DCDC2C: variants seen among roughly 807,000 people sequenced by gnomAD.
DCDC2C encodes the protein doublecortin domain-containing protein 2C.
In DCDC2C, 44 loss-of-function variants were observed where a neutral mutation model predicts 45.0. That is an observed-to-expected ratio of 0.98 (90% CI 0.77 to 1.26). The LOEUF (loss-of-function observed/expected upper bound fraction) is 1.26. DCDC2C is among the 50% of genes most tolerant of loss of function. DCDC2C has a pLI of 0.00. For synonymous variants in DCDC2C, 187 were observed against 178.8 expected (o/e 1.05, Z -0.37); for missense variants, 447 against 468.9 (o/e 0.95, Z 0.43).
chr2:3,752,783 A>G lies in DCDC2C; in HGVS notation c.566A>G (p.His189Arg), dbSNP rs776283118. 3 of 1,550,316 alleles carry G rather than the reference A, an allele frequency of 1.9e-6. No individual in the cohort carries two copies. In the South Asian group the frequency reaches 3.6e-5, roughly 18 times the overall value. ...TACAGATTATTTACAATGAATGGGC[A>G]TCTTTTGGGCGACTCAAAGGATTTG... ...GVRKLFTMNG[H>R]LLGDSKDLQD... Residue 189 changes from histidine to arginine, a missense_variant, in exon 5 of 11, where the codon CAT becomes CGT. Transcript: ENST00000399143.
intron 3 of DCDC2C, among the ~76,000 whole-genome samples, chr2:3,732,745 G>C (rs556158785): frequency 5.9e-5 from 9 of 152,258 alleles, no homozygotes; most frequent in African/African-American, 1.9e-4. Flanking sequence ...GGGCATTCTC[G>C]TGGTCTTCCT....
chr2:3,835,964 G>T (rs557396295), intron 10 of DCDC2C, among the ~76,000 whole-genome samples: 1 of 152,014 alleles, frequency 6.6e-6, no homozygotes, highest in Admixed American at 6.6e-5. Context: ...GGCTGATCTC[G>T]AACTCCTGGC....
At chr2:3,752,221 C>G (rs1393799440) in intron 4 of DCDC2C, among the ~76,000 whole-genome samples, 2 of 152,180 alleles carry the variant, frequency 1.3e-5, no homozygotes, top group African/African-American at 2.4e-5. Flanking sequence ...TTATTTTTAT[C>G]TAATGCATTG....
chr2:3,767,142 C>T (rs376476560), intron 6 of DCDC2C, among the ~76,000 whole-genome samples: 15 of 152,370 alleles, frequency 9.8e-5, no homozygotes, highest in South Asian at 4.1e-4. Flanking sequence ...CTTTCACCTT[C>T]GGACATGTTC....
intron 10 of DCDC2C, among the ~76,000 whole-genome samples, chr2:3,824,551 G>C (rs1572643454): frequency 6.6e-6 from 1 of 152,204 alleles, no homozygotes; most frequent in South Asian, 2.1e-4. Context: ...AATCAGCCTA[G>C]AGAGGAGTTT....
chr2:3,719,092 T>A (rs11678437), intron 2 of DCDC2C, among the ~76,000 whole-genome samples: 77,241 of 147,192 alleles, frequency 0.52, 20,094 homozygotes, highest in African/African-American at 0.64. Flanking sequence ...AGCTGTTTCC[T>A]TTTTTTTTTT....
At chr2:3,754,736 GAGCATCAGTGCCAGGGCCTGGGCC>G in intron 6 of DCDC2C, 102 bp downstream of exon 6, 2 of 985,398 alleles carry the variant, frequency 2.0e-6, no homozygotes, top group Non-Finnish European at 1.5e-6. Flanking sequence ...GCTGTAAACA[GAGCATCAGTGCCAGGGCCTGGGCC>G]AGCATCAGTG....
Position 3,734,784 on chromosome 2 carries a change from A to G in DCDC2C, c.417-7136A>G, listed in dbSNP as rs1668972833. ...TGTTTTGGGGAGAAGACTCCAAGACATGATCCTCTCCTTCATGCACAAGGA... is the reference window on the plus strand; with the variant it reads ...TGTTTTGGGGAGAAGACTCCAAGACGTGATCCTCTCCTTCATGCACAAGGA... On this transcript the variant is annotated intron_variant, in intron 3 of 10. Coordinates refer to ENST00000399143, the MANE Select transcript of DCDC2C (RefSeq NM_001287444.2). The surrounding 1 kb of genome is among the most constrained non-coding windows in gnomAD (Gnocchi z 4.2). 6.6e-6 allele frequency among the ~76,000 whole-genome samples: 1 copy of G among 152,212 alleles called. No individual in the cohort carries two copies. Among genetic ancestry groups the G allele is most frequent in the African/African-American group, 2.4e-5 (1 of 41,436 alleles).
chr2:3,704,947 C>T (rs1350486497), intron 1 of DCDC2C, among the ~76,000 whole-genome samples: 2 of 152,146 alleles, frequency 1.3e-5, no homozygotes, highest in Non-Finnish European at 2.9e-5. Flanking sequence ...CTTTTCTCTC[C>T]TGATTCTCTG....
intron 6 of DCDC2C, among the ~76,000 whole-genome samples, chr2:3,764,516 C>A (rs1188568250): frequency 1.3e-5 from 2 of 152,202 alleles, no homozygotes; most frequent in Non-Finnish European, 2.9e-5. Flanking sequence ...GTATGTCCTG[C>A]AGATGGCATT....
intron 8 of DCDC2C, among the ~76,000 whole-genome samples, chr2:3,773,766 A>G (rs1670250646): frequency 6.6e-6 from 1 of 152,224 alleles, no homozygotes; most frequent in Non-Finnish European, 1.5e-5. Context: ...TACTCTGAAC[A>G]TGGCCAATTC....
Position 3,752,884 on chromosome 2 carries a change from C to A in DCDC2C, c.667C>A (p.Pro223Thr). ...TCCTTACTGGAAGTCTCCAAGGGTG[C>A]CCAGTGAGGTCCAACAGTGAGCATG... ...YFPYWKSPRV[P>T]SEVQQRYANV... The change falls in exon 5 of 11, where the codon CCC becomes ACC. Residue 223 changes from proline (P) to threonine (T), a missense_variant. Transcript: ENST00000399143. The A allele has an allele frequency of 6.4e-7, 1 of 1,550,390 alleles. No individual in the cohort carries two copies. Among genetic ancestry groups the A allele is most frequent in the African/African-American group, 1.4e-5 (1 of 73,134 alleles).
chr2:3,821,925 C>T (rs1326132641), intron 10 of DCDC2C, among the ~76,000 whole-genome samples: 1 of 151,752 alleles, frequency 6.6e-6, no homozygotes, highest in Admixed American at 6.6e-5. Context: ...TGGTCATTAC[C>T]ACTCTCTAAT....
At position 3,792,336 on chromosome 2, in the gene DCDC2C, C is replaced by T. The variant is rs1670835052; in HGVS notation, c.1065+7236C>T. ...GTGTCTGGGGCTTCAGATTCCATTT[C>T]TGTTCTCCACGAGTGGCCCCTTGTC... On this transcript the variant is annotated intron_variant, in intron 10 of 10. Transcript: ENST00000399143. Among the ~76,000 whole-genome samples the T allele has an allele frequency of 2.0e-5, 3 of 152,210 alleles. No homozygotes were observed. In the South Asian group the frequency reaches 6.2e-4, roughly 32 times the overall value.
chr2:3,751,760 G>C (rs917199286), intron 4 of DCDC2C, among the ~76,000 whole-genome samples: 2 of 152,162 alleles, frequency 1.3e-5, no homozygotes, highest in African/African-American at 4.8e-5. Flanking sequence ...TCTTGCAGAA[G>C]CTCTGAGCCT....
At chr2:3,813,068 T>TATATATATATATA (rs1491343444) in intron 10 of DCDC2C, among the ~76,000 whole-genome samples, 815 of 51,402 alleles carry the variant, frequency 0.016, 22 homozygotes, top group East Asian at 0.021. Flanking sequence ...TATATATATA[T>TATATATATATATA]TTTTTTTTTT....
chr2:3,749,616 G>A (rs1236659248), intron 4 of DCDC2C, among the ~76,000 whole-genome samples: 1 of 152,188 alleles, frequency 6.6e-6, no homozygotes, highest in Non-Finnish European at 1.5e-5. Flanking sequence ...GATGAGTTTA[G>A]GGAAGAGTCC....
chr2:3,838,452 C>CAGAGAGAGAGAG (rs61141962), intron 10 of DCDC2C, among the ~76,000 whole-genome samples: 7,466 of 112,132 alleles, frequency 0.067, 252 homozygotes, highest in Middle Eastern at 0.1. Flanking sequence ...AGGATCATGA[C>CAGAGAGAGAGAG]AGAGAGAGAG....
intron 4 of DCDC2C, among the ~76,000 whole-genome samples, chr2:3,744,078 A>G (rs1025550997): frequency 2.0e-5 from 3 of 151,878 alleles, no homozygotes; most frequent in Admixed American, 6.5e-5. Flanking sequence ...TGGGAGGGAC[A>G]TGGAATGGGA....
Sources: gnomAD v4.1 joint callset for allele counts (sites outside exome capture counted in the v4.1 genomes callset) on GRCh38, gnomAD v4.1.1 for gene constraint, Gnocchi (gnomAD v3.1) non-coding constraint, MANE v1.5 for transcripts, NCBI Gene and HGNC (gene_info 2026-07-23, HGNC 2026-07-21) for gene names.